The following PTPRR variants were observed in gnomAD, a reference collection of about 807,000 sequenced individuals.
The protein encoded by PTPRR is protein tyrosine phosphatase receptor type R, also known as receptor-type tyrosine-protein phosphatase R.
In PTPRR, 38 loss-of-function variants were observed where a neutral mutation model predicts 77.2. The ratio of observed to expected loss-of-function variants is 0.49; its 90% CI spans 0.38 to 0.65. The LOEUF (loss-of-function observed/expected upper bound fraction) is 0.65, where lower values mean the gene tolerates loss of function less well. PTPRR is among the 30% of genes least tolerant of loss of function. The pLI, the probability that PTPRR is intolerant of heterozygous loss-of-function variation, is 0.00. For missense variants in PTPRR, 744 were observed against 799.2 expected, an observed-to-expected ratio of 0.93 and a Z score of 0.83; for synonymous variants, 299 against 283.1, an observed-to-expected ratio of 1.06 and a Z score of -0.57.
At chr12:70,689,956 G>A (rs964793196) in intron 8 of PTPRR, among the ~76,000 whole-genome samples, 5 of 152,116 alleles carry the variant, frequency 3.3e-5, no homozygotes, top group African/African-American at 7.2e-5. Context: ...CATTAGTTGC[G>A]GCCATGTGAC....
intron 13 of PTPRR, among the ~76,000 whole-genome samples, chr12:70,647,890 A>G (rs906647667): frequency 1.3e-5 from 2 of 152,252 alleles, no homozygotes; most frequent in Non-Finnish European, 2.9e-5. Flanking sequence ...TATCATATTC[A>G]GATATTAATA....
intron 4 of PTPRR, among the ~76,000 whole-genome samples, chr12:70,757,132 T>A (rs1277967548): frequency 6.6e-6 from 1 of 152,248 alleles, no homozygotes; most frequent in East Asian, 1.9e-4. Context: ...CAAGACTACC[T>A]GCTAGTGTTC....
At chr12:70,733,480 A>AAAAAAAAAAAAAAAAAAAAAAAATT (rs1565672451) in intron 6 of PTPRR, among the ~76,000 whole-genome samples, 6 of 85,808 alleles carry the variant, frequency 7.0e-5, no homozygotes, top group Non-Finnish European at 1.1e-4. Context: ...CAAAAAAAAA[A>AAAAAAAAAAAAAAAAAAAAAAAATT]AGAAAAAAAA....
At chr12:70,841,583 TA>T (rs1254837288) in intron 2 of PTPRR, among the ~76,000 whole-genome samples, 1 of 152,150 alleles carries the variant, frequency 6.6e-6, no homozygotes, top group Non-Finnish European at 1.5e-5. Flanking sequence ...TATTGTAAAG[TA>T]AGAAAACTTT....
At chr12:70,911,026 T>C (rs1893691681) in intron 1 of PTPRR, among the ~76,000 whole-genome samples, 1 of 151,966 alleles carries the variant, frequency 6.6e-6, no homozygotes, top group Admixed American at 6.6e-5. Flanking sequence ...GCGAGAAGAG[T>C]CCTGGAAAAG....
At chr12:70,896,680 A>G (rs35733359) in intron 1 of PTPRR, among the ~76,000 whole-genome samples, 25,984 of 151,790 alleles carry the variant, frequency 0.17, 2,331 homozygotes, top group Non-Finnish European at 0.2. Context: ...CTGAACTAAA[A>G]TAAAAATATA....
intron 2 of PTPRR, among the ~76,000 whole-genome samples, chr12:70,889,775 C>A (rs1271940273): frequency 6.6e-6 from 1 of 152,050 alleles, no homozygotes. Context: ...CCTTCTCCTG[C>A]TGCTCTTCTT....
At chr12:70,741,353 C>T (rs1890039509) in intron 6 of PTPRR, among the ~76,000 whole-genome samples, 1 of 152,124 alleles carries the variant, frequency 6.6e-6, no homozygotes, top group Non-Finnish European at 1.5e-5. Flanking sequence ...GGAACTAAAG[C>T]AGCGGGGAGC....
At chr12:70,809,147 G>C (rs1023406423) in intron 2 of PTPRR, among the ~76,000 whole-genome samples, 2 of 152,126 alleles carry the variant, frequency 1.3e-5, no homozygotes, top group African/African-American at 4.8e-5. Flanking sequence ...AACTTAATAG[G>C]AAAGCTTATG....
intron 13 of PTPRR, among the ~76,000 whole-genome samples, chr12:70,641,496 C>T (rs1885999305): frequency 6.6e-6 from 1 of 152,168 alleles, no homozygotes; most frequent in Admixed American, 6.5e-5. Flanking sequence ...TTTACTATGA[C>T]ATTCTGTTCA....
chr12:70,860,693 T>C (rs1892737688), intron 2 of PTPRR, among the ~76,000 whole-genome samples: 1 of 152,236 alleles, frequency 6.6e-6, no homozygotes, highest in East Asian at 1.9e-4. Flanking sequence ...AAATGTAAGG[T>C]CCAGTCTTCT....
chr12:70,869,717 A>G (rs140680995), intron 2 of PTPRR, among the ~76,000 whole-genome samples: 135 of 152,274 alleles, frequency 8.9e-4, no homozygotes, highest in Non-Finnish European at 1.6e-3. Flanking sequence ...CAGATGGGGC[A>G]TTGCTATAAG....
intron 8 of PTPRR, among the ~76,000 whole-genome samples, chr12:70,697,576 A>G (rs535052859): frequency 6.6e-6 from 1 of 151,146 alleles, no homozygotes; most frequent in Admixed American, 6.6e-5. Flanking sequence ...ATGAAGTTCA[A>G]TTTTTTTTTG....
intron 2 of PTPRR, among the ~76,000 whole-genome samples, chr12:70,778,174 G>A (rs962183804): frequency 2.6e-5 from 4 of 152,080 alleles, no homozygotes; most frequent in African/African-American, 9.7e-5. Context: ...CAGCTTGGCT[G>A]GATATTAAAC....
intron 2 of PTPRR, among the ~76,000 whole-genome samples, chr12:70,817,316 GATAGA>G (rs1318186280): frequency 1.3e-5 from 2 of 152,074 alleles, no homozygotes; most frequent in Non-Finnish European, 2.9e-5. Flanking sequence ...TGCTACAAAA[GATAGA>G]ATAGAGAAAG....
intron 2 of PTPRR, among the ~76,000 whole-genome samples, chr12:70,826,695 TACTCTGAGATAGG>T (rs1368367888): frequency 6.6e-6 from 1 of 152,228 alleles, no homozygotes; most frequent in Non-Finnish European, 1.5e-5. Context: ...ATGACATGAA[TACTCTGAGATAGG>T]ACTGGCTGCA....
intron 2 of PTPRR, among the ~76,000 whole-genome samples, chr12:70,870,448 G>A (rs968365112): frequency 6.6e-6 from 1 of 152,156 alleles, no homozygotes; most frequent in African/African-American, 2.4e-5. Flanking sequence ...TTATTCTGCA[G>A]ATTTGCTATT....
chr12:70,875,465 G>A (rs1369482841), intron 2 of PTPRR, among the ~76,000 whole-genome samples: 1 of 152,242 alleles, frequency 6.6e-6, no homozygotes, highest in East Asian at 1.9e-4. Flanking sequence ...GAATGGAGAA[G>A]AGGGGAAGGA....
At chr12:70,864,408 G>C (rs753331114) in intron 2 of PTPRR, among the ~76,000 whole-genome samples, 2 of 152,166 alleles carry the variant, frequency 1.3e-5, no homozygotes, top group Non-Finnish European at 1.5e-5. Flanking sequence ...AGAAGAGAGG[G>C]TCACATGATC....
Sources: allele counts gnomAD v4.1 joint callset (sites outside exome capture counted in the v4.1 genomes callset), GRCh38; gene constraint gnomAD v4.1.1; transcripts MANE v1.5; gene names NCBI Gene and HGNC (gene_info 2026-07-23, HGNC 2026-07-21).